Variants in KCTD14 observed in about 807,000 individuals in gnomAD.
The protein encoded by KCTD14 is BTB/POZ domain-containing protein KCTD14.
In KCTD14, 7 loss-of-function variants were observed where a neutral mutation model predicts 5.9. The observed-to-expected ratio is 1.19, with a 90% CI of 0.68 to 2.23. KCTD14 has a LOEUF of 2.23. Among genes scored for constraint, KCTD14 ranks in the 30% most tolerant of loss-of-function variants. The pLI, the probability that KCTD14 is intolerant of heterozygous loss-of-function variation, is 0.00. For synonymous variants in KCTD14, 140 were observed against 133.1 expected (o/e 1.05, Z -0.36); for missense variants, 342 against 332.2 (o/e 1.03, Z -0.23).
chr11:78,045,120 T>G (rs1430533640), intron 1 of KCTD14, among the ~76,000 whole-genome samples: 1 of 152,206 alleles, frequency 6.6e-6, no homozygotes, highest in East Asian at 1.9e-4. Context: ...AGATCTTTTT[T>G]TGAGACAGGG....
upstream of KCTD14, among the ~76,000 whole-genome samples, chr11:78,026,034 T>C (rs1857453192): frequency 6.6e-6 from 1 of 152,104 alleles, no homozygotes; most frequent in Non-Finnish European, 1.5e-5. Flanking sequence ...AATTTAAAAG[T>C]TTATTTTGCC....
Position 78,017,142 on chromosome 11 carries a change from C to T in KCTD14, c.219G>A (p.Ala73=), listed in dbSNP as rs138337647. ...FSSLAKASTD[A]EGRFFIDRPS... is the part of the protein sequence containing the mutation. ...GGCGGTCGATGAAGAAGCGGCCCTC[C>T]GCGTCCGTGGAGGCCTTGGCTAAGC... Residue 73 remains alanine, a synonymous_variant, in exon 2 of 2, where the codon GCG becomes GCA. Coordinates refer to ENST00000353172, the MANE Select transcript of KCTD14 (RefSeq NM_023930.4). 1.2e-3 allele frequency: 1,873 copies of T among 1,614,020 alleles called. 29 individuals are homozygous for T. The highest frequency in any genetic ancestry group is 2.9e-4 in the Non-Finnish European group (337 of 1,180,028).
chr11:78,029,109 C>T (rs1407310899), intron 2 of KCTD14, among the ~76,000 whole-genome samples: 2 of 150,780 alleles, frequency 1.3e-5, no homozygotes, highest in Non-Finnish European at 2.9e-5. Context: ...CGCTTGAACC[C>T]GGGAGGCGGA....
At chr11:78,024,443 C>CAT (rs1265343544), upstream of KCTD14, among the ~76,000 whole-genome samples, 43 of 63,210 alleles carry the variant, frequency 6.8e-4, no homozygotes, top group African/African-American at 1.6e-3. Context: ...CACACACACA[C>CAT]ACATATATAT....
chr11:78,032,930 C>T (rs1360979287), intron 2 of KCTD14, among the ~76,000 whole-genome samples: 1 of 152,070 alleles, frequency 6.6e-6, no homozygotes, highest in Non-Finnish European at 1.5e-5. Context: ...CATCCTCCCA[C>T]CTTAGGCTCC....
intron 2 of KCTD14, among the ~76,000 whole-genome samples, chr11:78,033,539 G>A (rs911497494): frequency 1.3e-5 from 2 of 151,858 alleles, no homozygotes; most frequent in South Asian, 2.1e-4. Flanking sequence ...AAAATTAGCC[G>A]GGCATGGTGG....
intron 2 of KCTD14, among the ~76,000 whole-genome samples, chr11:78,030,338 G>A (rs1022583233): frequency 2.0e-5 from 3 of 152,164 alleles, no homozygotes; most frequent in African/African-American, 7.2e-5. Flanking sequence ...ACCTCTTTGA[G>A]TCAGTCAGAC....
upstream of KCTD14, among the ~76,000 whole-genome samples, chr11:78,024,394 A>T (rs1031633066): frequency 9.9e-6 from 1 of 100,546 alleles, no homozygotes; most frequent in Non-Finnish European, 2.0e-5. Context: ...AAAAAAAAAA[A>T]AAAATATATA....
At chr11:78,028,672 G>A (rs539501491) in intron 2 of KCTD14, among the ~76,000 whole-genome samples, 23 of 151,256 alleles carry the variant, frequency 1.5e-4, no homozygotes, top group African/African-American at 5.6e-4. Flanking sequence ...CAGGCATGGT[G>A]ACTCACACCT....
intron 1 of KCTD14, chr11:78,045,968 T>C: frequency 6.0e-6 from 2 of 332,872 alleles, no homozygotes; most frequent in Non-Finnish European, 8.6e-6. Context: ...GCCGGTCCTC[T>C]CCCCAGTCAG....
chr11:78,045,687 G>A (rs2136769934), intron 1 of KCTD14, among the ~76,000 whole-genome samples: 1 of 152,310 alleles, frequency 6.6e-6, no homozygotes, highest in Non-Finnish European at 1.5e-5. Context: ...GTCTTTTGCG[G>A]CCCTAATTTT....
At chr11:78,021,926 C>T (rs1237828913) in intron 1 of KCTD14, among the ~76,000 whole-genome samples, 1 of 152,162 alleles carries the variant, frequency 6.6e-6, no homozygotes, top group East Asian at 1.9e-4. Context: ...GGGCAAGCCC[C>T]CTCACCTCCA....
chr11:78,043,618 T>A (rs1197484248), intron 1 of KCTD14, among the ~76,000 whole-genome samples: 5 of 152,112 alleles, frequency 3.3e-5, no homozygotes, highest in African/African-American at 7.2e-5. Flanking sequence ...AACCAGCTCG[T>A]GGGGTGTCAG....
chr11:78,043,698 A>G (rs1192439766), intron 1 of KCTD14, among the ~76,000 whole-genome samples: 1 of 152,152 alleles, frequency 6.6e-6, no homozygotes, highest in Non-Finnish European at 1.5e-5. Context: ...GGTCAAGTGG[A>G]GAAGCAGGGG....
At chr11:78,020,700 C>T (rs1351467544) in intron 1 of KCTD14, among the ~76,000 whole-genome samples, 4 of 152,132 alleles carry the variant, frequency 2.6e-5, no homozygotes, top group Non-Finnish European at 5.9e-5. Context: ...ATGTTACAGG[C>T]AAGGAAAGCT....
chr11:78,038,939 C>A (rs12295285), intron 1 of KCTD14, among the ~76,000 whole-genome samples: 1 of 152,140 alleles, frequency 6.6e-6, no homozygotes, highest in African/African-American at 2.4e-5. Flanking sequence ...AGAATCCCAT[C>A]TCTTGCAAGG....
In KCTD14 at chr11:78,021,543, A is replaced by G. The variant is rs546155038; in HGVS notation, c.90+1617T>C. 4.0e-3 allele frequency among the ~76,000 whole-genome samples: 610 copies of G among 151,892 alleles called. 7 individuals carry two copies. The highest frequency in any genetic ancestry group is 7.7e-3 in the East Asian group (39 of 5,058). On this transcript the variant is annotated intron_variant, in intron 1 of 1. Coordinates refer to ENST00000353172, the MANE Select transcript of KCTD14 (RefSeq NM_023930.4). ...AAGCGATTCTCCTGCCTCAGCCTCC[A>G]GAGTGGCTGGGACTACAGGTGTGTG...
Position 78,016,685 on chromosome 11 carries a change from A to G in KCTD14, c.676T>C (p.Tyr226His), listed in dbSNP as rs1857173226. The G allele has an allele frequency of 6.2e-7, 1 of 1,614,086 alleles. No individual in the cohort carries two copies. Among genetic ancestry groups the G allele is most frequent in the Non-Finnish European group, 8.5e-7 (1 of 1,179,984 alleles). Residue 226 changes from tyrosine to histidine, a missense_variant, in exon 2 of 2, where the codon TAC (tyrosine) becomes CAC (histidine). Tyr to His is a moderately conservative substitution (Grantham distance 83). Transcript: ENST00000353172. ...AGGTAGAACTTGGAGAATACCTTGT[A>G]CCCCTGGGCCTTAATGTCCATCTCC... Reference protein sequence around the residue: ...CLEMDIKAQGYKVFSKFYLTY... With the variant: ...CLEMDIKAQGHKVFSKFYLTY...
In KCTD14 at chr11:78,035,036, T is replaced by C. The variant is rs138908855; in HGVS notation, c.-1+3628A>G. On this transcript the variant is annotated intron_variant, in intron 2 of 2. Coordinates refer to the KCTD14 transcript ENST00000533144. ...TTGCCGGCTATCATTTGAGCACTGA[T>C]GAAGCTCTGCCTAAGGCCCTACCCC... is the stretch of plus-strand genomic sequence containing the variant. 1.6e-4 allele frequency among the ~76,000 whole-genome samples: 24 copies of C among 152,282 alleles called. No homozygotes were observed. In the East Asian group the frequency reaches 4.2e-3, roughly 27 times the overall value.
Sources: allele counts gnomAD v4.1 joint callset (sites outside exome capture counted in the v4.1 genomes callset), GRCh38; gene constraint gnomAD v4.1.1; transcripts MANE v1.5; gene names NCBI Gene and HGNC (gene_info 2026-07-23, HGNC 2026-07-21).